EYS: variants seen among roughly 807,000 people sequenced by gnomAD.
EYS encodes the protein protein eyes shut homolog.
Under a neutral mutation model 282.1 loss-of-function variants are expected in EYS, and 250 were observed. That is an observed-to-expected ratio of 0.89 (90% confidence interval 0.80 to 0.98). The LOEUF is 0.98. EYS is among the 50% of genes least tolerant of loss of function. EYS has a pLI of 0.00. For synonymous variants in EYS, 1,355 were observed against 1,282.9 expected, an observed-to-expected ratio of 1.06 and a Z score of -1.20; for missense variants, 4,016 against 3,709.0, an observed-to-expected ratio of 1.08 and a Z score of -2.15.
rs1456844583 is a variant in EYS, at chr6:64,107,289, A to ATT, written c.6425-25288_6425-25287insAA. Among the ~76,000 whole-genome samples the ATT allele has an allele frequency of 1.2e-4, 13 of 104,214 alleles. 1 individual carries two copies. Among genetic ancestry groups the ATT allele is most frequent in the African/African-American group, 5.0e-4 (10 of 20,150 alleles). 68.4% of individuals were successfully genotyped at this position (104,214 alleles called of 152,430 possible). ...TGTGTGTGTATATATATATATTTAT[A>ATT]TATATATATATATATATATATATAT... On this transcript the variant is annotated intron_variant, in intron 31 of 42. Coordinates refer to ENST00000503581, the MANE Select transcript of EYS (RefSeq NM_001142800.2).
rs148944193 is a variant in EYS at position 64,758,614 on chromosome 6, C to G, written c.3443+54764G>C. Reference sequence around the variant, plus strand: ...TTCTCCCTCTAATTAAGGACACAAACCCAGTTTTATCATTCCCTCCACTGC... The same window carrying G: ...TTCTCCCTCTAATTAAGGACACAAAGCCAGTTTTATCATTCCCTCCACTGC... On this transcript the variant is annotated intron_variant, in intron 22 of 42. Transcript: ENST00000503581. Among the ~76,000 whole-genome samples the G allele has an allele frequency of 2.0e-3, 303 of 152,244 alleles. 1 individual carries two copies. The highest frequency in any genetic ancestry group is 3.3e-3 in the Non-Finnish European group (227 of 68,018).
intron 35 of EYS, among the ~76,000 whole-genome samples, chr6:63,932,042 C>T (rs1764910224): frequency 6.6e-6 from 1 of 152,030 alleles, no homozygotes; most frequent in Admixed American, 6.5e-5. Context: ...TATGTAGTTT[C>T]CACATATGAA....
At chr6:64,922,666 G>A (rs991318578) in intron 15 of EYS, among the ~76,000 whole-genome samples, 1 of 152,044 alleles carries the variant, frequency 6.6e-6, no homozygotes, top group African/African-American at 2.4e-5. Flanking sequence ...TCCTCTCCAT[G>A]ATAGCAGTGC....
chr6:64,824,416 A>G (rs572422653), intron 19 of EYS, among the ~76,000 whole-genome samples: 14 of 152,102 alleles, frequency 9.2e-5, no homozygotes, highest in Non-Finnish European at 1.9e-4. Flanking sequence ...GATAGAGTAT[A>G]GGCATGCATC....
At chr6:65,343,043 AAT>A (rs1313556952) in intron 10 of EYS, among the ~76,000 whole-genome samples, 2 of 150,874 alleles carry the variant, frequency 1.3e-5, no homozygotes, top group East Asian at 1.9e-4. Flanking sequence ...TGATTGGCAA[AAT>A]ATATATATAT....
Position 64,066,338 on chromosome 6 carries a change from C to T in EYS, c.6725G>A (p.Arg2242His), listed in dbSNP as rs1771368413. The T allele has an allele frequency of 2.6e-6, 4 of 1,548,226 alleles. No individual in the cohort carries two copies. The highest frequency in any genetic ancestry group is 1.7e-4 in the Middle Eastern group (1 of 5,940). The change falls in exon 33 of 43, where the codon CGC (arginine) becomes CAC (histidine). Residue 2242 changes from arginine (R) to histidine (H), a missense_variant and splice_region_variant. Transcript: ENST00000503581. ...AACTACCGTGGAGTACAGTACTTAC[C>T]GTATTGTGATAGGGGTGAATGCATT... Reference protein sequence around the residue: ...NTNAFTPITIRYTTPVGSPGV... With the variant: ...NTNAFTPITIHYTTPVGSPGV...
Position 65,628,090 on chromosome 6 carries a change from G to A in EYS, c.-333+11688C>T, listed in dbSNP as rs1405738318. 3.3e-5 allele frequency among the ~76,000 whole-genome samples: 5 copies of A among 152,294 alleles called. No individual in the cohort carries two copies. The East Asian group carries it at 9.7e-4, about 30-fold the overall frequency. ...ATCAGCACCGTGTGTCTAGCTCAAGGTTTGTGAGTGCACCAGTGGACACTC... is the reference window on the plus strand; with the variant it reads ...ATCAGCACCGTGTGTCTAGCTCAAGATTTGTGAGTGCACCAGTGGACACTC... On this transcript the variant is annotated intron_variant, in intron 2 of 42. Coordinates refer to ENST00000503581, the MANE Select transcript of EYS (RefSeq NM_001142800.2).
At chr6:64,994,706 T>C (rs546335522) in intron 14 of EYS, among the ~76,000 whole-genome samples, 1 of 152,272 alleles carries the variant, frequency 6.6e-6, no homozygotes, top group South Asian at 2.1e-4. Flanking sequence ...AATTATGTAT[T>C]ATGTCTAATC....
intron 12 of EYS, among the ~76,000 whole-genome samples, chr6:65,224,851 C>G (rs1248438917): frequency 1.3e-5 from 2 of 151,932 alleles, no homozygotes; most frequent in South Asian, 4.2e-4. Context: ...TACAAACTAC[C>G]AAAAATGAGT....
At chr6:65,068,307 G>A (rs538130925) in intron 12 of EYS, among the ~76,000 whole-genome samples, 2 of 152,092 alleles carry the variant, frequency 1.3e-5, no homozygotes, top group African/African-American at 4.8e-5. Flanking sequence ...CTAATCCAAG[G>A]ATATTGCCCT....
intron 15 of EYS, among the ~76,000 whole-genome samples, chr6:64,943,086 A>C (rs1769153045): frequency 6.6e-6 from 1 of 152,134 alleles, no homozygotes; most frequent in Non-Finnish European, 1.5e-5. Flanking sequence ...GATTCACTGC[A>C]TAAACAGAAT....
At chr6:65,617,550 T>G (rs576709186) in intron 2 of EYS, among the ~76,000 whole-genome samples, 1 of 151,472 alleles carries the variant, frequency 6.6e-6, no homozygotes, top group African/African-American at 2.4e-5. Context: ...TAATATATTT[T>G]TTAAATTTAT....
chr6:64,243,922 C>T (rs546691140), intron 30 of EYS, among the ~76,000 whole-genome samples: 1 of 152,172 alleles, frequency 6.6e-6, no homozygotes, highest in East Asian at 1.9e-4. Context: ...ATAAATACTG[C>T]AGTGAATATC....
At chr6:65,518,839 A>G (rs985186260) in intron 2 of EYS, among the ~76,000 whole-genome samples, 1 of 152,048 alleles carries the variant, frequency 6.6e-6, no homozygotes, top group African/African-American at 2.4e-5. Context: ...TTTACACAAC[A>G]TCAGATCTGT....
intron 12 of EYS, among the ~76,000 whole-genome samples, chr6:65,180,640 T>C (rs1427379485): frequency 6.6e-6 from 1 of 152,118 alleles, no homozygotes; most frequent in Non-Finnish European, 1.5e-5. Flanking sequence ...ACCAAGGTAA[T>C]TTATAGATAC....
intron 22 of EYS, among the ~76,000 whole-genome samples, chr6:64,748,281 G>A (rs768185020): frequency 1.3e-5 from 2 of 152,188 alleles, no homozygotes; most frequent in South Asian, 2.1e-4. Context: ...CTCTAAGTAG[G>A]AAAGTTATAG....
At chr6:64,516,779 G>T (rs1044657794) in intron 26 of EYS, among the ~76,000 whole-genome samples, 7 of 151,618 alleles carry the variant, frequency 4.6e-5, no homozygotes, top group Non-Finnish European at 1.0e-4. Flanking sequence ...TTTTTTCTAT[G>T]AACTATTTAA....
At chr6:63,777,376 CTT>C (rs1031373749) in intron 40 of EYS, among the ~76,000 whole-genome samples, 18 of 152,078 alleles carry the variant, frequency 1.2e-4, no homozygotes, top group African/African-American at 3.6e-4. Flanking sequence ...ACAAATCTCT[CTT>C]TAGCTGTCTT....
chr6:64,314,818 G>A (rs1478006235), intron 29 of EYS, among the ~76,000 whole-genome samples: 1 of 152,152 alleles, frequency 6.6e-6, no homozygotes, highest in Non-Finnish European at 1.5e-5. Context: ...ACAGGAGAAA[G>A]TAGGAAAGAT....
Sources: allele counts gnomAD v4.1 joint callset (sites outside exome capture counted in the v4.1 genomes callset), GRCh38; gene constraint gnomAD v4.1.1; transcripts MANE v1.5; gene names NCBI Gene and HGNC (gene_info 2026-07-23, HGNC 2026-07-21).